Variants in CCDC7 observed in about 807,000 individuals in gnomAD.
The protein encoded by CCDC7 is coiled-coil domain-containing protein 7.
Under a neutral mutation model 196.9 loss-of-function variants are expected in CCDC7, and 183 were observed. The observed-to-expected ratio is 0.93, with a 90% CI of 0.82 to 1.05. The LOEUF (loss-of-function observed/expected upper bound fraction) is 1.05, where lower values mean the gene tolerates loss of function less well. Ranked by LOEUF, CCDC7 falls within the 50% of genes least tolerant of loss-of-function variation. The pLI is 0.00. For synonymous variants in CCDC7, 525 were observed against 484.6 expected, an observed-to-expected ratio of 1.08 and a Z score of -1.10; for missense variants, 1,540 against 1,482.2, an observed-to-expected ratio of 1.04 and a Z score of -0.64.
At position 32,606,841 on chromosome 10, in the gene CCDC7, G is replaced by C. The variant is rs529925825; in HGVS notation, c.1801+22537G>C. Among the ~76,000 whole-genome samples, 26 of 152,324 alleles carry C rather than the reference G, an allele frequency of 1.7e-4. No homozygotes were observed. The East Asian group carries it at 5.0e-3, about 29-fold the overall frequency. ...ATGAGAGTTTGGACTTGGGACTTTT[G>C]AGTTAATGCTGGAATGAGTTAAGAG... On this transcript the variant is annotated intron_variant, in intron 18 of 41. Coordinates refer to ENST00000639629, the Ensembl canonical transcript of CCDC7.
At chr10:32,491,891 C>G in intron 8 of CCDC7, 31 bp from the exon 10 acceptor site, 1 of 1,528,452 alleles carries the variant, frequency 6.5e-7, no homozygotes, top group Non-Finnish European at 8.7e-7. Flanking sequence ...ATTTATAAAA[C>G]CTTTAACATT....
At chr10:32,781,281 G>A (rs988536433) in intron 29 of CCDC7, among the ~76,000 whole-genome samples, 4 of 152,154 alleles carry the variant, frequency 2.6e-5, no homozygotes, top group African/African-American at 4.8e-5. Flanking sequence ...AAACTGAAGA[G>A]GAGGGAATAC....
At chr10:32,450,811 T>A (rs2490502), upstream of CCDC7, among the ~76,000 whole-genome samples, 127,100 of 152,110 alleles carry the variant, frequency 0.84, 53,697 homozygotes, top group Non-Finnish European at 0.9. Flanking sequence ...TAGGAAGAAA[T>A]TGTAATTTTT....
chr10:32,787,429 C>T (rs1193782831), intron 29 of CCDC7, among the ~76,000 whole-genome samples: 2 of 152,160 alleles, frequency 1.3e-5, no homozygotes, highest in African/African-American at 4.8e-5. Flanking sequence ...TGAGAGATTA[C>T]AGCACTTGAA....
intron 18 of CCDC7, among the ~76,000 whole-genome samples, chr10:32,632,077 A>G (rs1322884257): frequency 7.0e-6 from 1 of 142,104 alleles, no homozygotes; most frequent in African/African-American, 2.6e-5. Context: ...TTTATAAAAC[A>G]TTTGTAAGTT....
At chr10:32,849,820 G>A (rs2093474406) in intron 39 of CCDC7, among the ~76,000 whole-genome samples, 1 of 152,106 alleles carries the variant, frequency 6.6e-6, no homozygotes, top group Admixed American at 6.6e-5. Flanking sequence ...AAGGTTACAT[G>A]GAGGAAGCAA....
chr10:32,604,836 G>A (rs1486669037), intron 18 of CCDC7, among the ~76,000 whole-genome samples: 1 of 151,302 alleles, frequency 6.6e-6, no homozygotes, highest in Non-Finnish European at 1.5e-5. Context: ...GAATCTTTAG[G>A]TATTTCTGTA....
At position 32,851,864 on chromosome 10, in the gene CCDC7, G is replaced by C. The variant is rs147088840; in HGVS notation, c.3953G>C (p.Arg1318Thr). Reference sequence around the variant, plus strand: ...ACTGCACCTTCAAAAGCAATTTATAGAACATATAGGGCTGGTCCAAGCTTT... The same window carrying C: ...ACTGCACCTTCAAAAGCAATTTATACAACATATAGGGCTGGTCCAAGCTTT... Residue 1318 changes from arginine to threonine, a missense_variant, in exon 40 of 42, where the codon AGA becomes ACA. Physicochemically the swap from Arg to Thr is moderately conservative, Grantham distance 71. Coordinates refer to ENST00000639629, the Ensembl canonical transcript of CCDC7. The C allele has an allele frequency of 1.9e-6, 3 of 1,612,594 alleles. No individual in the cohort carries two copies. In the East Asian group the frequency reaches 6.7e-5, roughly 36 times the overall value.
intron 11 of CCDC7, among the ~76,000 whole-genome samples, chr10:32,540,163 C>T (rs533554116): frequency 4.6e-5 from 7 of 152,058 alleles, no homozygotes; most frequent in African/African-American, 1.7e-4. Context: ...TTTGTAGGTC[C>T]CTAAGAACTT....
chr10:32,731,148 T>G (rs1188307182), intron 28 of CCDC7, among the ~76,000 whole-genome samples: 1 of 152,128 alleles, frequency 6.6e-6, no homozygotes, highest in Non-Finnish European at 1.5e-5. Flanking sequence ...AAAGTTAGAT[T>G]TTCCTTTGAA....
downstream of CCDC7, chr10:32,876,498 G>A (rs2094600338): frequency 3.7e-6 from 4 of 1,080,662 alleles, no homozygotes; most frequent in Non-Finnish European, 5.5e-6. Context: ...TGACTCGTGT[G>A]GATGGTGCTT....
chr10:32,677,837 A>G (rs2075267580), intron 21 of CCDC7, among the ~76,000 whole-genome samples: 1 of 152,038 alleles, frequency 6.6e-6, no homozygotes, highest in African/African-American at 2.4e-5. Flanking sequence ...TTCCATATGC[A>G]TATATTGGTT....
intron 28 of CCDC7, among the ~76,000 whole-genome samples, chr10:32,755,721 C>T (rs997152261): frequency 8.5e-5 from 13 of 152,060 alleles, no homozygotes; most frequent in Admixed American, 5.9e-4. Context: ...TGCAGATCCT[C>T]GCAAGCAGCA....
chr10:32,788,452 C>T (rs1413447696), intron 29 of CCDC7, among the ~76,000 whole-genome samples: 1 of 152,204 alleles, frequency 6.6e-6, no homozygotes, highest in African/African-American at 2.4e-5. Context: ...TGCCTCAGTA[C>T]CAGGCCAGTC....
At chr10:32,581,153 T>C (rs1291395287) in intron 16 of CCDC7, among the ~76,000 whole-genome samples, 2 of 152,130 alleles carry the variant, frequency 1.3e-5, no homozygotes. Flanking sequence ...GTGCTGTCAA[T>C]ATGCTTATAT....
chr10:32,475,634 T>C (rs1488689291), intron 8 of CCDC7, among the ~76,000 whole-genome samples: 2 of 152,218 alleles, frequency 1.3e-5, no homozygotes, highest in Non-Finnish European at 2.9e-5. Context: ...CAGTGGCAGT[T>C]GTTTCAGGTT....
intron 21 of CCDC7, among the ~76,000 whole-genome samples, chr10:32,668,432 A>C (rs2073309788): frequency 1.3e-5 from 2 of 152,172 alleles, no homozygotes; most frequent in African/African-American, 2.4e-5. Flanking sequence ...GAGAGAGGGC[A>C]TCCCTGTCTT....
intron 11 of CCDC7, among the ~76,000 whole-genome samples, chr10:32,522,990 A>G (rs2048103571): frequency 6.6e-6 from 1 of 151,284 alleles, no homozygotes; most frequent in Non-Finnish European, 1.5e-5. Context: ...TTTGTTATTG[A>G]TTTGTGGTTT....
At chr10:32,670,617 C>T (rs539603532) in intron 21 of CCDC7, among the ~76,000 whole-genome samples, 1 of 148,240 alleles carries the variant, frequency 6.7e-6, no homozygotes, top group East Asian at 2.0e-4. Flanking sequence ...GTTCAATTCC[C>T]ACCTATGAGT....
Sources: gnomAD v4.1 joint callset for allele counts (sites outside exome capture counted in the v4.1 genomes callset) on GRCh38, gnomAD v4.1.1 for gene constraint, MANE v1.5 for transcripts, NCBI Gene and HGNC (gene_info 2026-07-23, HGNC 2026-07-21) for gene names.